TDRD9: variants seen among roughly 807,000 people sequenced by gnomAD.
The protein encoded by TDRD9 is tudor domain containing 9.
In TDRD9, 124 loss-of-function variants were observed where a neutral mutation model predicts 172.6. The ratio of observed to expected loss-of-function variants is 0.72; its 90% CI spans 0.62 to 0.83. The LOEUF (loss-of-function observed/expected upper bound fraction) is 0.83, where lower values mean the gene tolerates loss of function less well. Ranked by LOEUF, TDRD9 falls within the 40% of genes least tolerant of loss-of-function variation. The pLI is 0.00. For synonymous variants in TDRD9, 619 were observed against 617.1 expected, an observed-to-expected ratio of 1.00 and a Z score of -0.05; for missense variants, 1,479 against 1,714.1, an observed-to-expected ratio of 0.86 and a Z score of 2.42.
chr14:104,031,506 G>T (rs7152856), intron 29 of TDRD9, among the ~76,000 whole-genome samples: 2 of 137,292 alleles, frequency 1.5e-5, no homozygotes. Context: ...CCCTCCTGAC[G>T]TGTGCTTTTT....
chr14:104,007,556 G>A (rs984291912), intron 19 of TDRD9, among the ~76,000 whole-genome samples: 3 of 152,036 alleles, frequency 2.0e-5, no homozygotes, highest in Non-Finnish European at 2.9e-5. Context: ...CAAAATTGAG[G>A]GCCATGTGGC....
At chr14:104,031,597 G>T (rs761053085) in intron 29 of TDRD9, among the ~76,000 whole-genome samples, 1 of 151,184 alleles carries the variant, frequency 6.6e-6, no homozygotes, top group Non-Finnish European at 1.5e-5. Context: ...TGTTAGAGCC[G>T]GTGCTGCCCG....
chr14:103,978,568 C>T (rs927862011), intron 7 of TDRD9, among the ~76,000 whole-genome samples: 1 of 152,168 alleles, frequency 6.6e-6, no homozygotes, highest in Non-Finnish European at 1.5e-5. Context: ...TCCTTAGGCT[C>T]CTCTTGGCTG....
At chr14:103,992,176 T>C (rs913523997) in intron 9 of TDRD9, among the ~76,000 whole-genome samples, 2 of 152,218 alleles carry the variant, frequency 1.3e-5, no homozygotes, top group Non-Finnish European at 2.9e-5. Flanking sequence ...AAAAGATGAA[T>C]TTATGTTAAA....
intron 2 of TDRD9, 144 bp downstream of exon 2, chr14:103,955,914 A>T: frequency 1.6e-6 from 1 of 615,494 alleles, no homozygotes. Context: ...ATTTAACACT[A>T]GCCTGGGCAA....
In TDRD9 at chr14:104,040,215, T is replaced by C; in HGVS notation, c.3736T>C (p.Tyr1246His). Reference sequence around the variant, plus strand: ...ATTTAGGATTGATCAGAATGGCAAGTACTATACTGGAGTCCTTTGTGGTTT... The same window carrying C: ...ATTTAGGATTGATCAGAATGGCAAGCACTATACTGGAGTCCTTTGTGGTTT... ...IELRIDQNGK[Y>H]YTGVLCGLGW... Residue 1246 changes from tyrosine (Y) to histidine (H), a missense_variant, in exon 33 of 36, where the codon TAC becomes CAC. Coordinates refer to ENST00000409874, the MANE Select transcript of TDRD9 (RefSeq NM_153046.3). 1 of 1,548,288 alleles carries C rather than the reference T, an allele frequency of 6.5e-7. No homozygotes were observed. Among genetic ancestry groups the C allele is most frequent in the East Asian group, 2.4e-5 (1 of 40,840 alleles).
intron 29 of TDRD9, among the ~76,000 whole-genome samples, chr14:104,031,545 G>A (rs1951587): frequency 0.028 from 4,184 of 148,628 alleles, 124 homozygotes; most frequent in African/African-American, 0.074. Context: ...CACAGCGTGT[G>A]GGTTCAGAGA....
chr14:103,928,653 C>A lies in TDRD9; in HGVS notation c.144C>A (p.Pro48=). ...AGGTGCAGCGCCAGGACGTGGCCCCCGGCGCTGGTCCCGCGGCCCAGGCTC... is the reference window on the plus strand; with the variant it reads ...AGGTGCAGCGCCAGGACGTGGCCCCAGGCGCTGGTCCCGCGGCCCAGGCTC... The part of the protein sequence containing the change: ...REEVQRQDVA[P]GAGPAAQAPA... The change falls in exon 1 of 36, where the codon CCC becomes CCA. Residue 48 remains proline, a synonymous_variant. Coordinates refer to ENST00000409874, the MANE Select transcript of TDRD9 (RefSeq NM_153046.3). The A allele has an allele frequency of 8.0e-7, 1 of 1,249,682 alleles. No homozygotes were observed. The highest frequency in any genetic ancestry group is 2.7e-5 in the South Asian group (1 of 36,738). The allele number at this position is 1,249,682 out of a possible 1,614,324, so 77.4% of individuals were successfully genotyped here.
intron 34 of TDRD9, 89 bp from the exon 35 acceptor site, chr14:104,049,519 C>A: frequency 1.0e-6 from 1 of 1,002,292 alleles, no homozygotes; most frequent in Non-Finnish European, 1.5e-6. Context: ...CTGTGGGAAG[C>A]ATATAGGATT....
At chr14:104,010,034 C>A in intron 20 of TDRD9, among the ~76,000 whole-genome samples, 1 of 151,746 alleles carries the variant, frequency 6.6e-6, no homozygotes, top group African/African-American at 2.4e-5. Flanking sequence ...TAACCTCTGC[C>A]TCCCGGGTTC....
In TDRD9 at chr14:104,049,588, TTC is replaced by T; in HGVS notation, c.3975-18_3975-17del. 6.5e-7 allele frequency: 1 copy of T among 1,528,020 alleles called. No homozygotes were observed. The highest frequency in any genetic ancestry group is 2.5e-5 in the East Asian group (1 of 40,622). The allele number at this position is 1,528,020 out of a possible 1,614,324, so 94.7% of individuals were successfully genotyped here. A position where few individuals can be genotyped will look rare whatever the true frequency, so the allele number is the denominator to read the frequency against. On this transcript the variant is annotated intron_variant, in intron 34 of 35. Coordinates refer to ENST00000409874, the MANE Select transcript of TDRD9 (RefSeq NM_153046.3). ...GTTACTAATATATAATTAAGATAAT[TTC>T]TTTTTTTTTTAAATTAGTTTGTTCT...
chr14:103,933,955 C>G (rs549520943), intron 1 of TDRD9, among the ~76,000 whole-genome samples: 1 of 152,184 alleles, frequency 6.6e-6, no homozygotes, highest in Non-Finnish European at 1.5e-5. Context: ...TTTTGGTATT[C>G]AGGCCTCACA....
At chr14:103,972,658 G>C (rs1343641791) in intron 6 of TDRD9, among the ~76,000 whole-genome samples, 2 of 152,192 alleles carry the variant, frequency 1.3e-5, no homozygotes, top group African/African-American at 4.8e-5. Context: ...TTCTATGATG[G>C]GGCTGCTTTG....
At chr14:103,958,141 C>G (rs2152135913) in intron 2 of TDRD9, among the ~76,000 whole-genome samples, 1 of 152,242 alleles carries the variant, frequency 6.6e-6, no homozygotes, top group Middle Eastern at 3.4e-3. Flanking sequence ...ATTTAGTCAT[C>G]CAGTTACACA....
chr14:104,018,521 TGA>T (rs1355192103), intron 23 of TDRD9, among the ~76,000 whole-genome samples: 1 of 152,188 alleles, frequency 6.6e-6, no homozygotes, highest in Non-Finnish European at 1.5e-5. Flanking sequence ...ATTTTCTCAG[TGA>T]GTCATTAGTA....
At chr14:103,988,802 C>G (rs550519901) in intron 8 of TDRD9, among the ~76,000 whole-genome samples, 47 of 151,944 alleles carry the variant, frequency 3.1e-4, no homozygotes, top group African/African-American at 1.1e-3. Context: ...AATTGATCCT[C>G]CCACCTCAGC....
intron 30 of TDRD9, among the ~76,000 whole-genome samples, chr14:104,033,148 G>T (rs760471920): frequency 6.6e-6 from 1 of 152,196 alleles, no homozygotes; most frequent in Non-Finnish European, 1.5e-5. Flanking sequence ...CTTACTATGT[G>T]CATTTTAAAA....
intron 12 of TDRD9, among the ~76,000 whole-genome samples, chr14:103,996,362 C>G (rs2034059483): frequency 6.6e-6 from 1 of 152,124 alleles, no homozygotes; most frequent in African/African-American, 2.4e-5. Flanking sequence ...CTCATGGCTG[C>G]TACGTTCTGG....
At chr14:103,968,552 C>T (rs970236102) in intron 5 of TDRD9, among the ~76,000 whole-genome samples, 6 of 151,510 alleles carry the variant, frequency 4.0e-5, no homozygotes, top group Admixed American at 3.3e-4. Context: ...TTTGGGAGGC[C>T]GAGGTGGGCG....
Sources: gnomAD v4.1 joint callset for allele counts (sites outside exome capture counted in the v4.1 genomes callset) on GRCh38, gnomAD v4.1.1 for gene constraint, MANE v1.5 for transcripts, NCBI Gene and HGNC (gene_info 2026-07-23, HGNC 2026-07-21) for gene names.